The following HIRA variants were observed in gnomAD, a reference collection of about 807,000 sequenced individuals.
HIRA encodes the protein protein HIRA.
A neutral mutation model predicts 126.6 loss-of-function variants in HIRA; 13 were observed. The ratio of observed to expected loss-of-function variants is 0.10; its 90% confidence interval spans 0.07 to 0.16. The LOEUF is 0.16. Among genes scored for constraint, HIRA ranks in the 10% least tolerant of loss-of-function variants. HIRA has a pLI of 1.00. For missense variants in HIRA, 834 were observed against 1,314.4 expected (o/e 0.63, Z 5.65); for synonymous variants, 511 against 520.0 (o/e 0.98, Z 0.24).
At chr22:19,372,771 C>T (rs531216784) in intron 15 of HIRA, among the ~76,000 whole-genome samples, 2 of 152,148 alleles carry the variant, frequency 1.3e-5, no homozygotes, top group South Asian at 4.1e-4. Flanking sequence ...GGGGTTTCGC[C>T]ATGTTGGCCA....
In HIRA at chr22:19,418,346, G is replaced by A. The variant is rs184728902; in HGVS notation, c.38-7568C>T. On this transcript the variant is annotated intron_variant, in intron 1 of 24. Transcript: ENST00000263208. ...GGGTGTAATTATAAAAATTGTTGGC[G>A]GGGTGCGGTGGCTCACACCTGTAAT... is the stretch of plus-strand genomic sequence containing the variant. Among the ~76,000 whole-genome samples, 38 of 152,118 alleles carry A rather than the reference G, an allele frequency of 2.5e-4. 1 individual carries two copies. The East Asian group carries it at 3.1e-3, about 12-fold the overall frequency.
At chr22:19,407,072 T>C (rs1057167395) in intron 4 of HIRA, 112 bp downstream of exon 4, 12 of 828,952 alleles carry the variant, frequency 1.4e-5, no homozygotes, top group Admixed American at 2.0e-5. Flanking sequence ...CCACTACTTA[T>C]GAGGTCAGGG....
chr22:19,365,909 C>G (rs2088907907), intron 15 of HIRA: 1 of 152,248 alleles, frequency 6.6e-6, no homozygotes, highest in Non-Finnish European at 1.5e-5. Context: ...GAGACCACAC[C>G]AGGTTGCCTA....
At chr22:19,385,137 C>T (rs887546322) in intron 12 of HIRA, among the ~76,000 whole-genome samples, 1 of 152,156 alleles carries the variant, frequency 6.6e-6, no homozygotes, top group African/African-American at 2.4e-5. Flanking sequence ...TTTTCCCGCC[C>T]CATTTCCAAC....
At chr22:19,341,879 A>G (rs1288497139) in intron 24 of HIRA, among the ~76,000 whole-genome samples, 2 of 152,224 alleles carry the variant, frequency 1.3e-5, no homozygotes, top group Non-Finnish European at 2.9e-5. Context: ...ACTCTTCTAG[A>G]CATTGGCTTA....
At chr22:19,384,661 T>A (rs894117606) in intron 12 of HIRA, among the ~76,000 whole-genome samples, 1 of 144,222 alleles carries the variant, frequency 6.9e-6, no homozygotes, top group Non-Finnish European at 1.5e-5. Flanking sequence ...TCTTTCTTTC[T>A]TTTTTTTTTT....
At chr22:19,374,588 A>G (rs2089000117) in intron 15 of HIRA, among the ~76,000 whole-genome samples, 1 of 152,218 alleles carries the variant, frequency 6.6e-6, no homozygotes, top group African/African-American at 2.4e-5. Context: ...CTGTTTTCCA[A>G]GGAGAATAAA....
chr22:19,353,276 G>A, intron 23 of HIRA, 80 bp downstream of exon 23: 2 of 1,554,028 alleles, frequency 1.3e-6, no homozygotes, highest in Non-Finnish European at 1.8e-6. Flanking sequence ...TCTTTTCCCT[G>A]ATTTCACAGG....
chr22:19,373,615 GTA>G (rs1283313667), intron 15 of HIRA, among the ~76,000 whole-genome samples: 1 of 152,162 alleles, frequency 6.6e-6, no homozygotes, highest in Non-Finnish European at 1.5e-5. Context: ...AACACAAGTA[GTA>G]TTAAACTGGC....
intron 15 of HIRA, among the ~76,000 whole-genome samples, chr22:19,362,957 G>T (rs1213061154): frequency 2.6e-5 from 4 of 151,768 alleles, no homozygotes; most frequent in Admixed American, 2.0e-4. Context: ...AATAAGGCCG[G>T]GCACGGTGGC....
At chr22:19,404,692 G>A (rs1207607468) in intron 5 of HIRA, among the ~76,000 whole-genome samples, 1 of 152,074 alleles carries the variant, frequency 6.6e-6, no homozygotes, top group Non-Finnish European at 1.5e-5. Flanking sequence ...CAATTTGAAG[G>A]TTTCTTGACA....
chr22:19,373,568 C>T (rs930380783), intron 15 of HIRA, among the ~76,000 whole-genome samples: 3 of 152,154 alleles, frequency 2.0e-5, no homozygotes, highest in South Asian at 2.1e-4. Flanking sequence ...ACCAGGATTT[C>T]GTTTGTGTTC....
rs199768200 is a variant in HIRA, at chr22:19,353,384, G to A, written c.2820C>T (p.Leu940=). 4.2e-5 allele frequency: 68 copies of A among 1,612,964 alleles called. No homozygotes were observed. The Admixed American group carries it at 4.8e-4, about 11-fold the overall frequency. The change falls in exon 23 of 25, where the codon CTC becomes CTT. Residue 940 remains leucine, a synonymous_variant. Transcript: ENST00000263208. ...QSSHEYRHWL[L]VYARYLVNEG... is the part of the protein sequence containing the mutation. ...CGTTTACGAGGTACCGTGCGTAGAC[G>A]AGGAGCCAATGGCGGTACTCGTGGC...
At chr22:19,403,047 G>C (rs1242580390) in intron 5 of HIRA, among the ~76,000 whole-genome samples, 1 of 147,514 alleles carries the variant, frequency 6.8e-6, no homozygotes, top group Non-Finnish European at 1.5e-5. Flanking sequence ...AGGCTGCAGT[G>C]AGCCGTAATT....
chr22:19,371,451 A>G (rs1216658666), intron 15 of HIRA, among the ~76,000 whole-genome samples: 1 of 151,392 alleles, frequency 6.6e-6, no homozygotes, highest in Non-Finnish European at 1.5e-5. Flanking sequence ...TTTTTTTGAT[A>G]GTGTATTATT....
intron 9 of HIRA, among the ~76,000 whole-genome samples, chr22:19,391,483 CTTTTTTTTTTTTTTT>C (rs574374874): frequency 7.3e-6 from 1 of 137,782 alleles, no homozygotes; most frequent in Non-Finnish European, 1.6e-5. Context: ...TTTTCTTTTT[CTTTTTTTTTTTTTTT>C]TGAGACGGAG....
At chr22:19,394,208 T>C in intron 8 of HIRA, 134 bp downstream of exon 8, 2 of 1,096,474 alleles carry the variant, frequency 1.8e-6, no homozygotes, top group Non-Finnish European at 2.6e-6. Context: ...AGTTTGCCAA[T>C]AAATCAACCA....
In HIRA at chr22:19,351,807, C is replaced by T. The variant is rs1372400954; in HGVS notation, c.2849-361G>A. 6.6e-6 allele frequency among the ~76,000 whole-genome samples: 1 copy of T among 152,092 alleles called. No individual in the cohort carries two copies. The highest frequency in any genetic ancestry group is 1.5e-5 in the Non-Finnish European group (1 of 68,032). ...TGAGATCTGTCTTTGAGAAGATGCG[C>T]TGGCAGCTGGTGTTGAGGGGAGGTC... On this transcript the variant is annotated intron_variant, in intron 23 of 24. Coordinates refer to ENST00000263208, the MANE Select transcript of HIRA (RefSeq NM_003325.4). This position sits in a 1 kb window ranked among gnomAD's most constrained non-coding sequence, Gnocchi z 4.8.
At chr22:19,366,050 A>G (rs1753871317) in intron 15 of HIRA, 1 of 152,252 alleles carries the variant, frequency 6.6e-6, no homozygotes, top group South Asian at 2.1e-4. Context: ...TCTCTTAAAT[A>G]AATTAAAAAT....
Sources: allele counts gnomAD v4.1 joint callset (sites outside exome capture counted in the v4.1 genomes callset), GRCh38; gene constraint gnomAD v4.1.1; non-coding constraint Gnocchi (gnomAD v3.1); transcripts MANE v1.5; gene names NCBI Gene and HGNC (gene_info 2026-07-23, HGNC 2026-07-21).